TCF7L2: variants seen among roughly 807,000 people sequenced by gnomAD.
The protein encoded by TCF7L2 is transcription factor 7-like 2.
In TCF7L2, 23 loss-of-function variants were observed where a neutral mutation model predicts 77.9. The ratio of observed to expected loss-of-function variants is 0.30; its 90% CI spans 0.21 to 0.42. The LOEUF (loss-of-function observed/expected upper bound fraction) is 0.42. TCF7L2 is among the 10% of genes least tolerant of loss of function. The probability of loss-of-function intolerance (pLI) is 1.00; values close to 1 mark genes in which losing one functional copy is unlikely to be tolerated. For synonymous variants in TCF7L2, 413 were observed against 340.2 expected, an observed-to-expected ratio of 1.21 and a Z score of -2.36; for missense variants, 654 against 793.1, an observed-to-expected ratio of 0.82 and a Z score of 2.11.
At chr10:113,043,539 T>G (rs528091033) in intron 5 of TCF7L2, among the ~76,000 whole-genome samples, 97 of 152,254 alleles carry the variant, frequency 6.4e-4, no homozygotes, top group Non-Finnish European at 2.4e-4. Context: ...GGCCCAAAAC[T>G]GGGAGTTTAT....
At chr10:113,082,630 C>T (rs1005817988) in intron 5 of TCF7L2, among the ~76,000 whole-genome samples, 10 of 151,986 alleles carry the variant, frequency 6.6e-5, no homozygotes, top group Non-Finnish European at 7.4e-5. Flanking sequence ...CACGTGCACA[C>T]GCACATGCAT....
intron 5 of TCF7L2, among the ~76,000 whole-genome samples, chr10:113,076,865 G>C (rs775974242): frequency 2.6e-5 from 4 of 152,184 alleles, no homozygotes; most frequent in Non-Finnish European, 4.4e-5. Flanking sequence ...CACCCCACCA[G>C]ATATCAAGTA....
intron 5 of TCF7L2, among the ~76,000 whole-genome samples, chr10:113,064,668 C>T (rs545452045): frequency 4.0e-4 from 61 of 152,296 alleles, no homozygotes; most frequent in African/African-American, 1.4e-3. Flanking sequence ...GCCATAAGTA[C>T]CCTTGTGCAA....
intron 5 of TCF7L2, among the ~76,000 whole-genome samples, chr10:113,057,599 A>G (rs1338379160): frequency 6.6e-6 from 1 of 152,248 alleles, no homozygotes; most frequent in African/African-American, 2.4e-5. Flanking sequence ...AAAACATTTT[A>G]AATACATTAA....
chr10:112,980,534 C>T (rs1470037439), intron 4 of TCF7L2, among the ~76,000 whole-genome samples: 1 of 152,088 alleles, frequency 6.6e-6, no homozygotes, highest in Admixed American at 6.6e-5. Flanking sequence ...GAACTAGATT[C>T]TTACCCTTAA....
chr10:113,088,723 G>A (rs2060081742), intron 5 of TCF7L2, among the ~76,000 whole-genome samples: 2 of 152,176 alleles, frequency 1.3e-5, no homozygotes, highest in Middle Eastern at 3.4e-3. Flanking sequence ...TTGGGAGGCC[G>A]AGATAGGAGG....
At chr10:113,095,879 C>T (rs903859855) in intron 5 of TCF7L2, among the ~76,000 whole-genome samples, 7 of 152,216 alleles carry the variant, frequency 4.6e-5, no homozygotes, top group African/African-American at 1.4e-4. Flanking sequence ...CCATGTCTCT[C>T]CACGTTAGTG....
At chr10:112,974,389 A>G (rs1054189915) in intron 4 of TCF7L2, among the ~76,000 whole-genome samples, 1 of 152,194 alleles carries the variant, frequency 6.6e-6, no homozygotes, top group Non-Finnish European at 1.5e-5. Flanking sequence ...CTTATGGGCC[A>G]CGGCAGGTGG....
intron 5 of TCF7L2, among the ~76,000 whole-genome samples, chr10:113,059,580 G>A (rs1564838053): frequency 1.3e-5 from 2 of 152,068 alleles, no homozygotes; most frequent in African/African-American, 4.8e-5. Flanking sequence ...CTGTGTTGGT[G>A]CGCGGGTCAG....
chr10:113,017,431 G>C (rs982822608), intron 4 of TCF7L2, among the ~76,000 whole-genome samples: 11 of 152,226 alleles, frequency 7.2e-5, no homozygotes, highest in Admixed American at 3.3e-4. Context: ...TCCTCGGGTG[G>C]ACTTTTCACC....
At chr10:113,138,723 C>G (rs745422859) in intron 5 of TCF7L2, among the ~76,000 whole-genome samples, 11 of 152,212 alleles carry the variant, frequency 7.2e-5, no homozygotes, top group Non-Finnish European at 1.5e-4. Context: ...GATTCATGAT[C>G]AGAACCCATG....
At chr10:112,988,038 A>C (rs948118141) in intron 4 of TCF7L2, among the ~76,000 whole-genome samples, 9 of 147,730 alleles carry the variant, frequency 6.1e-5, no homozygotes, top group African/African-American at 2.3e-4. Flanking sequence ...CCCTTTAGGA[A>C]TGTACAGTTT....
chr10:113,109,926 TATA>T (rs546799915), intron 5 of TCF7L2, among the ~76,000 whole-genome samples: 223 of 152,388 alleles, frequency 1.5e-3, no homozygotes, highest in Non-Finnish European at 2.5e-3. Flanking sequence ...TATCAGAATG[TATA>T]ATATTTTATA....
At chr10:113,152,264 T>G in intron 10 of TCF7L2, 69 bp from the exon 11 acceptor site, 1 of 1,333,592 alleles carries the variant, frequency 7.5e-7, no homozygotes, top group Non-Finnish European at 1.1e-6. Context: ...CTTGGCGTAA[T>G]GTGTGATGTT....
intron 5 of TCF7L2, among the ~76,000 whole-genome samples, chr10:113,113,356 T>G (rs2063356366): frequency 6.6e-6 from 1 of 152,204 alleles, no homozygotes; most frequent in Non-Finnish European, 1.5e-5. Context: ...CTTGATGTCC[T>G]TACTTAATTC....
chr10:112,976,777 G>A (rs947040897), intron 4 of TCF7L2, among the ~76,000 whole-genome samples: 5 of 152,152 alleles, frequency 3.3e-5, no homozygotes, highest in African/African-American at 9.7e-5. Flanking sequence ...CGACCACTTT[G>A]TCAACTTGGT....
At position 113,166,039 on chromosome 10, in the gene TCF7L2, C is replaced by T. The variant is rs2074026619; in HGVS notation, c.*67C>T. On this transcript the variant is annotated 3_prime_UTR_variant, in exon 14 of 14. Coordinates refer to ENST00000627217, the MANE Select transcript of TCF7L2 (RefSeq NM_001146274.2). ...TTCACTTTTCTTAATTTGCCCCCCA[C>T]CCCCACCTTGAAAGGTTTTGTTTTG... The T allele has an allele frequency of 7.2e-7, 1 of 1,390,812 alleles. No individual in the cohort carries two copies. Among genetic ancestry groups the T allele is most frequent in the East Asian group, 2.5e-5 (1 of 39,678 alleles). The allele number at this position is 1,390,812 out of a possible 1,614,324, so 86.2% of individuals were successfully genotyped here.
intron 4 of TCF7L2, among the ~76,000 whole-genome samples, chr10:112,997,057 C>T (rs577810796): frequency 3.9e-5 from 6 of 152,186 alleles, no homozygotes; most frequent in African/African-American, 1.4e-4. Context: ...CCTGTTCCCC[C>T]ACAAACTAAT....
chr10:113,109,469 G>A (rs2062844006), intron 5 of TCF7L2, among the ~76,000 whole-genome samples: 1 of 152,276 alleles, frequency 6.6e-6, no homozygotes, highest in Admixed American at 6.5e-5. Context: ...AAGGCTCACA[G>A]CAACCTCCCC....
Sources: allele counts gnomAD v4.1 joint callset (sites outside exome capture counted in the v4.1 genomes callset), GRCh38; gene constraint gnomAD v4.1.1; transcripts MANE v1.5; gene names NCBI Gene and HGNC (gene_info 2026-07-23, HGNC 2026-07-21).